CYP27C1: variants seen among roughly 807,000 people sequenced by gnomAD.
The protein encoded by CYP27C1 is cytochrome P450 family 27 subfamily C member 1.
A neutral mutation model predicts 40.6 loss-of-function variants in CYP27C1; 29 were observed. The ratio of observed to expected loss-of-function variants is 0.71; its 90% CI spans 0.53 to 0.97. The LOEUF is 0.97. CYP27C1 is among the 50% of genes least tolerant of loss of function. The pLI, the probability that CYP27C1 is intolerant of heterozygous loss-of-function variation, is 0.00. For missense variants in CYP27C1, 390 were observed against 485.8 expected, an observed-to-expected ratio of 0.80 and a Z score of 1.85; for synonymous variants, 198 against 186.8, an observed-to-expected ratio of 1.06 and a Z score of -0.49.
chr2:127,195,314 G>C lies in CYP27C1; in HGVS notation c.1214+21C>G. On this transcript the variant is annotated intron_variant, in intron 6 of 8. Transcript: ENST00000664447. The surrounding 1 kb of genome is among the most constrained non-coding windows in gnomAD (Gnocchi z 6.2). Reference sequence around the variant, plus strand: ...GACCTAAGGGACACAGTTTGTTGACGGATTCTGGCGAGCCTTTTACCTCAG... The same window carrying C: ...GACCTAAGGGACACAGTTTGTTGACCGATTCTGGCGAGCCTTTTACCTCAG... 6.2e-7 allele frequency: 1 copy of C among 1,613,818 alleles called. No homozygotes were observed. Among genetic ancestry groups the C allele is most frequent in the Non-Finnish European group, 8.5e-7 (1 of 1,179,876 alleles).
chr2:127,197,917 G>C (rs1416193062), intron 5 of CYP27C1, among the ~76,000 whole-genome samples: 3 of 151,926 alleles, frequency 2.0e-5, no homozygotes, highest in Non-Finnish European at 4.4e-5. Context: ...TAACTATCTA[G>C]TGTGTTCCCT....
Position 127,201,195 on chromosome 2 carries a change from G to A in CYP27C1, c.810C>T (p.Pro270=). ...TTGGGATGAAGGGGCGAAGCCATCT[G>A]GGGATGGCGCCTGCATACATGGAGG... ...FKTSMYAGAI[P]RWLRPFIPKP... is the part of the protein sequence containing the mutation. Residue 270 remains proline (P), a synonymous_variant, in exon 4 of 9, where the codon CCC becomes CCT. Transcript: ENST00000664447. The surrounding 1 kb of genome is among the most constrained non-coding windows in gnomAD (Gnocchi z 6.0). The A allele has an allele frequency of 1.9e-6, 3 of 1,614,166 alleles. No individual in the cohort carries two copies. Among genetic ancestry groups the A allele is most frequent in the Non-Finnish European group, 2.5e-6 (3 of 1,180,020 alleles).
intron 5 of CYP27C1, among the ~76,000 whole-genome samples, chr2:127,198,720 T>C (rs1310389335): frequency 6.6e-6 from 1 of 152,216 alleles, no homozygotes; most frequent in African/African-American, 2.4e-5. Context: ...CAGTATTCAG[T>C]ACAGTAACAT....
At chr2:127,213,652 T>C (rs1179618574) in intron 1 of CYP27C1, among the ~76,000 whole-genome samples, 1 of 152,146 alleles carries the variant, frequency 6.6e-6, no homozygotes, top group East Asian at 1.9e-4. Context: ...TTACACCTTA[T>C]ACAAAAATTA....
intron 2 of CYP27C1, among the ~76,000 whole-genome samples, chr2:127,204,587 A>G (rs1231373058): frequency 1.4e-4 from 13 of 93,604 alleles, no homozygotes; most frequent in Admixed American, 2.6e-4. Context: ...GAAAGAAAGA[A>G]AGAAAGAAAG....
intron 8 of CYP27C1, among the ~76,000 whole-genome samples, chr2:127,190,941 G>GA (rs36094047): frequency 0.081 from 6,948 of 85,518 alleles, 252 homozygotes; most frequent in African/African-American, 0.12. Context: ...GTGAGACTCT[G>GA]AAAAAAAAAA....
chr2:127,214,839 T>C (rs551863918), intron 1 of CYP27C1, among the ~76,000 whole-genome samples: 1 of 143,392 alleles, frequency 7.0e-6, no homozygotes, highest in Non-Finnish European at 1.5e-5. Flanking sequence ...AAAAAAAGAC[T>C]TAGTACAGGC....
chr2:127,201,064 C>T lies in CYP27C1; in HGVS notation c.883+58G>A. 6.5e-7 allele frequency: 1 copy of T among 1,527,820 alleles called. No individual in the cohort carries two copies. Among genetic ancestry groups the T allele is most frequent in the Non-Finnish European group, 9.0e-7 (1 of 1,108,620 alleles). The allele number at this position is 1,527,820 out of a possible 1,614,324, so 94.6% of individuals were successfully genotyped here. A position where few individuals can be genotyped will look rare whatever the true frequency, so the allele number is the denominator to read the frequency against. On this transcript the variant is annotated intron_variant, in intron 4 of 8. Transcript: ENST00000664447. This position sits in a 1 kb window ranked among gnomAD's most constrained non-coding sequence, Gnocchi z 6.0. The stretch of plus-strand genomic sequence containing the variant: ...ACCCATTGTCTGGATGAGAGTTAGA[C>T]ACACAACACGGCAGGTCAACCTGCT...
chr2:127,187,941 A>G (rs1179929083), intron 8 of CYP27C1, among the ~76,000 whole-genome samples: 1 of 152,216 alleles, frequency 6.6e-6, no homozygotes, highest in African/African-American at 2.4e-5. Context: ...AAGCAGAACC[A>G]GCCCTGCCTC....
chr2:127,215,427 A>G (rs780787907), intron 1 of CYP27C1, among the ~76,000 whole-genome samples: 30 of 152,242 alleles, frequency 2.0e-4, no homozygotes, highest in Admixed American at 1.3e-3. Flanking sequence ...AACTCTTAGA[A>G]GAAAACATAA....
intron 6 of CYP27C1, among the ~76,000 whole-genome samples, chr2:127,194,779 C>A (rs1682863960): frequency 6.6e-6 from 1 of 152,132 alleles, no homozygotes; most frequent in Non-Finnish European, 1.5e-5. Flanking sequence ...TTTGGGAAAC[C>A]CCCAGTAAGC....
chr2:127,189,584 G>A (rs570257852), intron 8 of CYP27C1, among the ~76,000 whole-genome samples: 43 of 148,582 alleles, frequency 2.9e-4, no homozygotes, highest in East Asian at 2.0e-3. Context: ...ACAAACCTAC[G>A]TGTTCTGCAC....
chr2:127,210,490 G>C (rs1683314445), intron 1 of CYP27C1, among the ~76,000 whole-genome samples: 3 of 152,114 alleles, frequency 2.0e-5, no homozygotes, highest in African/African-American at 4.8e-5. Context: ...CATGATGACA[G>C]GATCAAATTC....
intron 2 of CYP27C1, among the ~76,000 whole-genome samples, chr2:127,203,875 T>C (rs1210173852): frequency 6.6e-6 from 1 of 151,948 alleles, no homozygotes; most frequent in Non-Finnish European, 1.5e-5. Context: ...GAAATAATAT[T>C]GTAATAAAGA....
rs1195746515 is a variant in CYP27C1 at position 127,204,816 on chromosome 2, G to A, written c.473+1084C>T. Among the ~76,000 whole-genome samples, 2 of 152,162 alleles carry A rather than the reference G, an allele frequency of 1.3e-5. 1 individual carries two copies. Among genetic ancestry groups the A allele is most frequent in the Middle Eastern group, 6.3e-3 (2 of 316 alleles). ...CTGAGGAGTGTTCTGCAGTTTCTCA[G>A]AGGGTCGTGGCAGGACTGAGCCTCA... On this transcript the variant is annotated intron_variant, in intron 2 of 8. Coordinates refer to ENST00000664447, the MANE Select transcript of CYP27C1 (RefSeq NM_001367502.1).
intron 1 of CYP27C1, among the ~76,000 whole-genome samples, chr2:127,214,149 T>C (rs1332502899): frequency 6.6e-6 from 1 of 152,078 alleles, no homozygotes; most frequent in Non-Finnish European, 1.5e-5. Flanking sequence ...GTCAGAATGG[T>C]GATTACTAAA....
At chr2:127,193,898 C>T (rs760160510) in intron 6 of CYP27C1, 31 bp from the exon 7 acceptor site, 44 of 1,611,648 alleles carry the variant, frequency 2.7e-5, no homozygotes, top group African/African-American at 9.4e-5. Flanking sequence ...ACGGGAATGG[C>T]GTGGTGACTT....
chr2:127,204,626 A>AAAGAAAGACAGACAGACAGACAGAC (rs200607857), intron 2 of CYP27C1, among the ~76,000 whole-genome samples: 1 of 38,916 alleles, frequency 2.6e-5, no homozygotes, highest in African/African-American at 9.9e-5. Flanking sequence ...AGAAAGAAAG[A>AAAGAAAGACAGACAGACAGACAGAC]AGACTGCAGC....
chr2:127,187,389 TAAG>T lies in CYP27C1; in HGVS notation c.1498-5_1498-3del, dbSNP rs1315287666. On this transcript the variant is annotated splice_polypyrimidine_tract_variant and splice_region_variant and intron_variant, in intron 8 of 8. Transcript: ENST00000664447. Reference sequence around the variant, plus strand: ...TTTGATCTCAAAATGTTGAAGCAACTAAGAAGAGAAAGAGAGAGAAGGGGTCAG... The same window carrying T: ...TTTGATCTCAAAATGTTGAAGCAACTAAGAGAAAGAGAGAGAAGGGGTCAG... 6.2e-7 allele frequency: 1 copy of T among 1,612,998 alleles called. No individual in the cohort carries two copies. Among genetic ancestry groups the T allele is most frequent in the East Asian group, 2.2e-5 (1 of 44,884 alleles).
Sources: gnomAD v4.1 joint callset for allele counts (sites outside exome capture counted in the v4.1 genomes callset) on GRCh38, gnomAD v4.1.1 for gene constraint, Gnocchi (gnomAD v3.1) non-coding constraint, MANE v1.5 for transcripts, NCBI Gene and HGNC (gene_info 2026-07-23, HGNC 2026-07-21) for gene names.